Variants in TAMM41 observed in about 807,000 individuals in gnomAD.
The protein encoded by TAMM41 is phosphatidate cytidylyltransferase, mitochondrial.
TAMM41 carries 36 observed loss-of-function variants against 44.1 expected under a neutral mutation model. The observed-to-expected ratio is 0.82, with a 90% CI of 0.63 to 1.08. TAMM41 has a LOEUF of 1.08. Among genes scored for constraint, TAMM41 ranks in the 50% least tolerant of loss-of-function variants. TAMM41 has a pLI of 0.00. For missense variants in TAMM41, 417 were observed against 404.3 expected, an observed-to-expected ratio of 1.03 and a Z score of -0.27; for synonymous variants, 164 against 153.1, an observed-to-expected ratio of 1.07 and a Z score of -0.53.
At chr3:11,740,254 TTAAAA>T in the TAMM41 span, among the ~76,000 whole-genome samples, 7 of 152,196 alleles carry the variant, frequency 4.6e-5, no homozygotes, top group East Asian at 1.3e-3. Context: ...CTCACAGCCC[TTAAAA>T]TAAAGTCCCA....
At chr3:11,762,307 A>G in the TAMM41 span, among the ~76,000 whole-genome samples, 1 of 152,210 alleles carries the variant, frequency 6.6e-6, no homozygotes, top group Non-Finnish European at 1.5e-5. Context: ...CACTGCCTGC[A>G]CAGACCTTTG....
chr3:11,729,521 CTTTCTTTTCTTTCTTTCATTTTTTTTT>C, the TAMM41 span, among the ~76,000 whole-genome samples: 615 of 93,956 alleles, frequency 6.5e-3, 22 homozygotes, highest in African/African-American at 0.02. Context: ...TTCTTTCTTT[CTTTCTTTTCTTTCTTTCATTTTTTTTT>C]TTTTTTTTTT....
chr3:11,800,787 T>C (rs898809877), intron 7 of TAMM41, among the ~76,000 whole-genome samples: 1 of 152,158 alleles, frequency 6.6e-6, no homozygotes, highest in Admixed American at 6.5e-5. Context: ...AAAGAAACAC[T>C]GGACTTTAGA....
the TAMM41 span, among the ~76,000 whole-genome samples, chr3:11,730,879 C>T: frequency 2.0e-5 from 3 of 152,274 alleles, no homozygotes; most frequent in Admixed American, 6.5e-5. Context: ...TGCTGGGGTT[C>T]GAATGTGAGC....
At chr3:11,807,689 C>T in intron 7 of TAMM41, 144 bp downstream of exon 7, 2 of 1,536,294 alleles carry the variant, frequency 1.3e-6, no homozygotes, top group Non-Finnish European at 1.7e-6. Context: ...CCTGTTTGTA[C>T]CTTACTGCAA....
intron 4 of TAMM41, chr3:11,826,733 A>G (rs2078767942): frequency 6.6e-6 from 1 of 152,088 alleles, no homozygotes; most frequent in South Asian, 2.1e-4. Context: ...GAAAGCTGGT[A>G]TTCAAACTAG....
At chr3:11,838,405 A>G (rs2079278495) in intron 3 of TAMM41, among the ~76,000 whole-genome samples, 3 of 151,950 alleles carry the variant, frequency 2.0e-5, no homozygotes, top group Non-Finnish European at 4.4e-5. Context: ...TTTAGTAGAG[A>G]CGGGGTTTCA....
At chr3:11,736,412 T>C in the TAMM41 span, among the ~76,000 whole-genome samples, 1 of 152,216 alleles carries the variant, frequency 6.6e-6, no homozygotes, top group Non-Finnish European at 1.5e-5. Flanking sequence ...GTTTTCTGAA[T>C]TTCAATTCCA....
intron 3 of TAMM41, among the ~76,000 whole-genome samples, chr3:11,835,201 G>A (rs1390638513): frequency 2.6e-5 from 4 of 151,864 alleles, no homozygotes; most frequent in African/African-American, 7.3e-5. Context: ...CTTTTCATTA[G>A]ATTTGTTCAA....
At chr3:11,826,290 C>T (rs553781739) in intron 4 of TAMM41, among the ~76,000 whole-genome samples, 28 of 152,212 alleles carry the variant, frequency 1.8e-4, no homozygotes, top group African/African-American at 4.1e-4. Flanking sequence ...TCCCAGCACT[C>T]GGGGAGGCCG....
chr3:11,840,692 T>C (rs2079396936), intron 2 of TAMM41, among the ~76,000 whole-genome samples: 1 of 151,898 alleles, frequency 6.6e-6, no homozygotes, highest in African/African-American at 2.4e-5. Flanking sequence ...CTATCTAGTA[T>C]TGGTCCTCAG....
At chr3:11,743,734 T>C in the TAMM41 span, among the ~76,000 whole-genome samples, 1 of 152,168 alleles carries the variant, frequency 6.6e-6, no homozygotes, top group Non-Finnish European at 1.5e-5. Flanking sequence ...GTCGCCTCAC[T>C]TCTGGCCACT....
the TAMM41 span, among the ~76,000 whole-genome samples, chr3:11,769,457 C>T: frequency 5.3e-5 from 8 of 151,268 alleles, no homozygotes; most frequent in Admixed American, 2.0e-4. Flanking sequence ...AAGGGGTCAG[C>T]AGGCCAAAGG....
intron 5 of TAMM41, among the ~76,000 whole-genome samples, chr3:11,813,488 C>T (rs149526310): frequency 0.02 from 3,057 of 152,230 alleles, 55 homozygotes; most frequent in Non-Finnish European, 0.032. Flanking sequence ...CGAGATTGCG[C>T]CACTGCACTC....
chr3:11,822,120 TG>T (rs2078549123), intron 4 of TAMM41, among the ~76,000 whole-genome samples: 2 of 152,154 alleles, frequency 1.3e-5, no homozygotes, highest in Admixed American at 6.5e-5. Context: ...AAAATACTTC[TG>T]GCCCCAAGTA....
At chr3:11,775,747 G>T in the TAMM41 span, among the ~76,000 whole-genome samples, 342 of 152,312 alleles carry the variant, frequency 2.2e-3, 2 homozygotes, top group African/African-American at 7.9e-3. Flanking sequence ...AAAACGTGGG[G>T]TGTGTTTATG....
the TAMM41 span, among the ~76,000 whole-genome samples, chr3:11,758,627 C>T: frequency 1.3e-5 from 2 of 149,528 alleles, no homozygotes; most frequent in African/African-American, 2.5e-5. Context: ...CTGGGATTAC[C>T]GGCGTGAGCC....
intron 7 of TAMM41, among the ~76,000 whole-genome samples, chr3:11,799,599 C>T (rs1168799678): frequency 1.3e-5 from 2 of 152,146 alleles, no homozygotes; most frequent in Non-Finnish European, 2.9e-5. Flanking sequence ...TTCCACAATG[C>T]AATGTGGCAT....
At chr3:11,761,853 A>T in the TAMM41 span, among the ~76,000 whole-genome samples, 5 of 149,442 alleles carry the variant, frequency 3.3e-5, no homozygotes, top group Admixed American at 6.7e-5. Flanking sequence ...AGGCTGAGGC[A>T]GGGGAATCAC....
Sources: gnomAD v4.1 joint callset for allele counts (sites outside exome capture counted in the v4.1 genomes callset) on GRCh38, gnomAD v4.1.1 for gene constraint, MANE v1.5 for transcripts, NCBI Gene and HGNC (gene_info 2026-07-23, HGNC 2026-07-21) for gene names.